PRMT8: variants seen among roughly 807,000 people sequenced by gnomAD.
The protein encoded by PRMT8 is protein arginine N-methyltransferase 8.
In PRMT8, 7 loss-of-function variants were observed where a neutral mutation model predicts 47.1. The observed-to-expected ratio is 0.15, with a 90% CI of 0.08 to 0.28. The LOEUF (loss-of-function observed/expected upper bound fraction) is 0.28, where lower values mean the gene tolerates loss of function less well. Among genes scored for constraint, PRMT8 ranks in the 10% least tolerant of loss-of-function variants. The pLI is 1.00. For missense variants in PRMT8, 237 were observed against 505.4 expected (o/e 0.47, Z 5.09); for synonymous variants, 188 against 186.5 (o/e 1.01, Z -0.07).
intron 1 of PRMT8, among the ~76,000 whole-genome samples, chr12:3,446,665 A>G (rs1273567472): frequency 5.9e-5 from 9 of 152,162 alleles, no homozygotes; most frequent in African/African-American, 9.7e-5. Flanking sequence ...GGAAAGGCCA[A>G]CTTCTCCCTG....
intron 1 of PRMT8, among the ~76,000 whole-genome samples, chr12:3,387,813 C>T (rs912799318): frequency 1.3e-5 from 2 of 152,132 alleles, no homozygotes; most frequent in Non-Finnish European, 2.9e-5. Context: ...TTTTATTTCT[C>T]TCTAAATATA....
intron 1 of PRMT8, among the ~76,000 whole-genome samples, chr12:3,387,133 T>C (rs1390548653): frequency 2.0e-5 from 3 of 152,260 alleles, no homozygotes; most frequent in African/African-American, 2.4e-5. Flanking sequence ...GAGGAAAGCA[T>C]GCGGTCAATG....
chr12:3,549,295 TA>T (rs1158746216), intron 2 of PRMT8, among the ~76,000 whole-genome samples: 11 of 151,532 alleles, frequency 7.3e-5, no homozygotes, highest in Non-Finnish European at 1.5e-4. Context: ...TGTTGATTTC[TA>T]AAAAAAAATT....
chr12:3,527,513 T>C (rs550596056), intron 1 of PRMT8, among the ~76,000 whole-genome samples: 1 of 152,278 alleles, frequency 6.6e-6, no homozygotes, highest in East Asian at 1.9e-4. Flanking sequence ...ATGGTTGATA[T>C]CTGGTAACTG....
chr12:3,473,506 C>T (rs370502556), intron 1 of PRMT8, among the ~76,000 whole-genome samples: 2 of 152,170 alleles, frequency 1.3e-5, no homozygotes, highest in African/African-American at 4.8e-5. Context: ...GTCCTGTGCT[C>T]TCTGCAGTTC....
chr12:3,579,053 G>A (rs1205645009), intron 7 of PRMT8, among the ~76,000 whole-genome samples: 2 of 152,144 alleles, frequency 1.3e-5, no homozygotes, highest in African/African-American at 4.8e-5. Context: ...CTCTGTCCCT[G>A]AAGCCTCTTC....
chr12:3,588,718 A>G (rs1867235057), intron 8 of PRMT8, among the ~76,000 whole-genome samples: 1 of 152,352 alleles, frequency 6.6e-6, no homozygotes, highest in African/African-American at 2.4e-5. Flanking sequence ...CAAAATGTAG[A>G]AGAAAAGCTG....
rs1382122415 is a variant in PRMT8, at chr12:3,491,831, CCTGTGT to C, written c.75+132_75+137del. ...TCCCGCTCGCTTCTGCCGGCCTCCTCCTGTGTGTGTGTGTGTGTGTGTGTGTGTGTG... is the reference window on the plus strand; with the variant it reads ...TCCCGCTCGCTTCTGCCGGCCTCCTCGTGTGTGTGTGTGTGTGTGTGTGTG... On this transcript the variant is annotated intron_variant, in intron 1 of 9. Coordinates refer to ENST00000382622, the MANE Select transcript of PRMT8 (RefSeq NM_019854.5). 98 of 738,926 alleles carry C rather than the reference CCTGTGT, an allele frequency of 1.3e-4. 7 individuals are homozygous for C. In the East Asian group the frequency reaches 3.1e-3, roughly 24 times the overall value. The allele number at this position is 738,926 out of a possible 1,614,324, so 45.8% of individuals were successfully genotyped here.
In PRMT8 at chr12:3,550,107, C is replaced by T. The variant is rs1866390062; in HGVS notation, c.417+16C>T. On this transcript the variant is annotated intron_variant, in intron 3 of 9. Coordinates refer to ENST00000382622, the MANE Select transcript of PRMT8 (RefSeq NM_019854.5). The surrounding 1 kb of genome is among the most constrained non-coding windows in gnomAD (Gnocchi z 5.1). ...GGTGTTTGGGGTGAGCACGCCGCTT[C>T]CTCCTGCATGCTGGCTTCCACAGAG... is the stretch of plus-strand genomic sequence containing the variant. 6.2e-7 allele frequency: 1 copy of T among 1,612,086 alleles called. No individual in the cohort carries two copies. Among genetic ancestry groups the T allele is most frequent in the African/African-American group, 1.3e-5 (1 of 74,894 alleles).
intron 4 of PRMT8, among the ~76,000 whole-genome samples, chr12:3,556,040 G>C (rs533533478): frequency 5.7e-4 from 86 of 151,938 alleles, no homozygotes; most frequent in African/African-American, 2.0e-3. Flanking sequence ...GTTGGCTGGA[G>C]GTGAAGTACT....
At chr12:3,510,933 C>T (rs778018700) in intron 1 of PRMT8, among the ~76,000 whole-genome samples, 2 of 152,152 alleles carry the variant, frequency 1.3e-5, no homozygotes, top group African/African-American at 2.4e-5. Context: ...TACCAAGTAA[C>T]ATAGAAAAAG....
chr12:3,519,366 T>C (rs903601665), intron 1 of PRMT8, among the ~76,000 whole-genome samples: 1 of 150,786 alleles, frequency 6.6e-6, no homozygotes, highest in Non-Finnish European at 1.5e-5. Flanking sequence ...AGTGAGAGGA[T>C]GCGGAGAGGT....
At chr12:3,425,415 A>T (rs1037743118) in intron 1 of PRMT8, among the ~76,000 whole-genome samples, 1 of 151,992 alleles carries the variant, frequency 6.6e-6, no homozygotes, top group African/African-American at 2.4e-5. Context: ...GGCCTCGGCC[A>T]GGGCCCCACA....
At position 3,436,497 on chromosome 12, in the gene PRMT8, T is replaced by A. The variant is rs1423763888; in HGVS notation, c.48+55055T>A. On this transcript the variant is annotated intron_variant, in intron 1 of 9. Coordinates refer to the PRMT8 transcript ENST00000452611. This position sits in a 1 kb window ranked among gnomAD's most constrained non-coding sequence, Gnocchi z 4.2. ...TCTTTCTTTCTTTTTTCTTTTTTTT[T>A]ATGAGCTGCTATTGTCAGCGTGCAG... is the stretch of plus-strand genomic sequence containing the variant. Among the ~76,000 whole-genome samples the A allele has an allele frequency of 6.6e-6, 1 of 152,146 alleles. No homozygotes were observed. The highest frequency in any genetic ancestry group is 1.5e-5 in the Non-Finnish European group (1 of 68,026).
chr12:3,478,763 T>C (rs2137100008), intron 1 of PRMT8, among the ~76,000 whole-genome samples: 1 of 152,350 alleles, frequency 6.6e-6, no homozygotes, highest in East Asian at 1.9e-4. Context: ...AGCTTATCAA[T>C]CCTCAGGGAA....
intron 1 of PRMT8, among the ~76,000 whole-genome samples, chr12:3,390,773 T>A (rs1384657127): frequency 6.6e-6 from 1 of 152,228 alleles, no homozygotes; most frequent in Non-Finnish European, 1.5e-5. Flanking sequence ...CAATTCATGG[T>A]CATGTCATTC....
At chr12:3,549,498 T>G (rs1195683582) in intron 2 of PRMT8, among the ~76,000 whole-genome samples, 1 of 2,472 alleles carries the variant, frequency 4.0e-4, no homozygotes, top group African/African-American at 4.8e-4. Flanking sequence ...TTTTCTAGTC[T>G]TTTTTTTTTT....
At chr12:3,539,979 G>C (rs1406732279) in intron 1 of PRMT8, among the ~76,000 whole-genome samples, 2 of 152,274 alleles carry the variant, frequency 1.3e-5, no homozygotes, top group East Asian at 1.9e-4. Flanking sequence ...GAAGCCCATG[G>C]GTTCACGTTC....
chr12:3,553,567 T>C, intron 3 of PRMT8, 84 bp from the exon 4 acceptor site: 1 of 1,194,928 alleles, frequency 8.4e-7, no homozygotes, highest in Non-Finnish European at 1.2e-6. Flanking sequence ...TGTCTGGGCC[T>C]CAGCGTCTCT....
Sources: allele counts gnomAD v4.1 joint callset (sites outside exome capture counted in the v4.1 genomes callset), GRCh38; gene constraint gnomAD v4.1.1; non-coding constraint Gnocchi (gnomAD v3.1); transcripts MANE v1.5; gene names NCBI Gene and HGNC (gene_info 2026-07-23, HGNC 2026-07-21).